SLC9B1: variants seen among roughly 807,000 people sequenced by gnomAD.
SLC9B1 encodes solute carrier family 9 member B1, also known as sodium/hydrogen exchanger 9B1.
SLC9B1 carries 32 observed loss-of-function variants against 51.7 expected under a neutral mutation model. That is an observed-to-expected ratio of 0.62 (90% CI 0.47 to 0.83). The LOEUF (loss-of-function observed/expected upper bound fraction) is 0.83, where lower values mean the gene tolerates loss of function less well. SLC9B1 is among the 40% of genes least tolerant of loss of function. The pLI is 0.00. For synonymous variants in SLC9B1, 145 were observed against 212.7 expected, an observed-to-expected ratio of 0.68 and a Z score of 2.77; for missense variants, 406 against 613.2, an observed-to-expected ratio of 0.66 and a Z score of 3.57.
intron 1 of SLC9B1, among the ~76,000 whole-genome samples, chr4:102,996,763 T>A (rs533985227): frequency 6.6e-6 from 1 of 152,200 alleles, no homozygotes; most frequent in African/African-American, 2.4e-5. Context: ...CATTTGTCTA[T>A]CCTTAGGCTA....
rs190718809 is a variant in SLC9B1, at chr4:102,988,867, C to T, written c.211+933G>A. The stretch of plus-strand genomic sequence containing the variant: ...GTTCCTGAGCAAACTGTAGTCCACA[C>T]TCAGTGAATAATTTTGGTAAATAAT... On this transcript the variant is annotated intron_variant, in intron 3 of 11. Coordinates refer to ENST00000296422, the MANE Select transcript of SLC9B1 (RefSeq NM_139173.4). 2.7e-3 allele frequency among the ~76,000 whole-genome samples: 407 copies of T among 152,196 alleles called. 2 individuals are homozygous for T. The highest frequency in any genetic ancestry group is 4.3e-3 in the Non-Finnish European group (293 of 67,936).
intron 11 of SLC9B1, among the ~76,000 whole-genome samples, chr4:102,904,320 G>A (rs1312402308): frequency 1.3e-5 from 2 of 151,826 alleles, no homozygotes; most frequent in Non-Finnish European, 2.9e-5. Context: ...TCAGCCTCCC[G>A]AAGTGCTAGG....
At chr4:102,993,457 G>A (rs1740055282) in intron 1 of SLC9B1, among the ~76,000 whole-genome samples, 1 of 152,194 alleles carries the variant, frequency 6.6e-6, no homozygotes, top group Admixed American at 6.5e-5. Flanking sequence ...GGGCAGCTCC[G>A]CCCCTGTGGC....
In SLC9B1 at chr4:102,946,770, A is replaced by C. The variant is rs774321691; in HGVS notation, c.402T>G (p.Phe134Leu). 1.5e-5 allele frequency: 24 copies of C among 1,598,004 alleles called. No individual in the cohort carries two copies. Among genetic ancestry groups the C allele is most frequent in the Non-Finnish European group, 1.9e-5 (22 of 1,175,764 alleles). The change falls in exon 5 of 12, where the codon TTT becomes TTG. Residue 134 changes from phenylalanine to leucine, a missense_variant. Phe to Leu is a conservative substitution (Grantham distance 22). Around this residue, in one of 6 missense-constraint regions of SLC9B1, gnomAD observed 250 missense variants for 394.1 expected, o/e 0.63. Coordinates refer to ENST00000296422, the MANE Select transcript of SLC9B1 (RefSeq NM_139173.4). ...PPLLGMLLAG[F>L]TIRNVPFINE... ...TGATGAATGGAACATTCCTAATCGT[A>C]AAACCAGCCAGTAACATCCCTTAAA...
chr4:102,924,019 CTACCAATGACTTTCTTCACAGA>C (rs1736024132), intron 7 of SLC9B1, among the ~76,000 whole-genome samples: 2 of 152,198 alleles, frequency 1.3e-5, no homozygotes, highest in South Asian at 4.2e-4. Context: ...CCCCATCAAG[CTACCAATGACTTTCTTCACAGA>C]ATTGGAAAAA....
At chr4:102,962,889 ATGT>A in intron 3 of SLC9B1, 1 of 470,078 alleles carries the variant, frequency 2.1e-6, no homozygotes, top group East Asian at 6.9e-5. Context: ...TTCATAATAG[ATGT>A]TGGTTACAAA....
chr4:102,946,846 G>A, intron 4 of SLC9B1, 57 bp from the exon 5 acceptor site: 1 of 1,468,888 alleles, frequency 6.8e-7, no homozygotes, highest in Non-Finnish European at 9.1e-7. Context: ...AAAGAAAACG[G>A]AAATGTTTAC....
chr4:102,921,637 C>A (rs1160256623), intron 7 of SLC9B1, among the ~76,000 whole-genome samples: 6 of 152,122 alleles, frequency 3.9e-5, no homozygotes, highest in Admixed American at 2.0e-4. Flanking sequence ...AGAGTCAAGA[C>A]CCATCAGTGT....
chr4:102,935,404 A>G (rs1203178266), intron 6 of SLC9B1, among the ~76,000 whole-genome samples: 1 of 152,218 alleles, frequency 6.6e-6, no homozygotes, highest in Non-Finnish European at 1.5e-5. Context: ...ATTAGGGCAA[A>G]TTAAAGTGGC....
At chr4:102,935,205 A>C (rs535765259) in intron 6 of SLC9B1, among the ~76,000 whole-genome samples, 7 of 152,376 alleles carry the variant, frequency 4.6e-5, no homozygotes, top group Middle Eastern at 3.4e-3. Flanking sequence ...GTTACAGATA[A>C]GGAAAAGTTG....
At chr4:102,904,204 C>T (rs766008098) in intron 11 of SLC9B1, among the ~76,000 whole-genome samples, 1 of 151,522 alleles carries the variant, frequency 6.6e-6, no homozygotes, top group Non-Finnish European at 1.5e-5. Flanking sequence ...ACTACAAGTG[C>T]GTGCCAACAC....
intron 3 of SLC9B1, among the ~76,000 whole-genome samples, chr4:102,975,718 G>A (rs1031361196): frequency 1.3e-5 from 2 of 149,788 alleles, no homozygotes; most frequent in Non-Finnish European, 3.0e-5. Flanking sequence ...ACAGGTGCAT[G>A]CCATGATGTC....
intron 9 of SLC9B1, among the ~76,000 whole-genome samples, chr4:102,910,179 TGA>T (rs1276632637): frequency 7.4e-4 from 113 of 152,190 alleles, no homozygotes; most frequent in Middle Eastern, 3.4e-3. Flanking sequence ...ATAATTAGAT[TGA>T]TAAAGGTAAT....
At chr4:102,934,832 GATAC>G (rs1309972133) in intron 6 of SLC9B1, among the ~76,000 whole-genome samples, 12 of 151,234 alleles carry the variant, frequency 7.9e-5, no homozygotes, top group South Asian at 2.1e-4. Flanking sequence ...CCTTTTGAAT[GATAC>G]ATACAAAGGC....
At chr4:102,986,279 C>T (rs1396334672) in intron 3 of SLC9B1, among the ~76,000 whole-genome samples, 4 of 148,680 alleles carry the variant, frequency 2.7e-5, no homozygotes, top group African/African-American at 9.9e-5. Context: ...TCTCTCTCAA[C>T]ATTTTAAATA....
chr4:102,978,292 A>T (rs1578396918), intron 3 of SLC9B1, among the ~76,000 whole-genome samples: 1 of 152,322 alleles, frequency 6.6e-6, no homozygotes, highest in Non-Finnish European at 1.5e-5. Flanking sequence ...TCTTTATAGC[A>T]GCATGATTTA....
chr4:102,903,454 A>G (rs1209695096), intron 11 of SLC9B1, among the ~76,000 whole-genome samples: 1 of 152,248 alleles, frequency 6.6e-6, no homozygotes, highest in Admixed American at 6.5e-5. Context: ...AGAAACAGAT[A>G]CAGTCATAGA....
At chr4:103,017,950 GTTTAC>G (rs1419579482) in intron 1 of SLC9B1, among the ~76,000 whole-genome samples, 1 of 152,170 alleles carries the variant, frequency 6.6e-6, no homozygotes, top group Non-Finnish European at 1.5e-5. Flanking sequence ...ACACTGGTGA[GTTTAC>G]TACTGCTAGA....
intron 9 of SLC9B1, among the ~76,000 whole-genome samples, chr4:102,908,026 G>C (rs1735139209): frequency 6.6e-6 from 1 of 151,950 alleles, no homozygotes; most frequent in Non-Finnish European, 1.5e-5. Context: ...TTTTTGGTTG[G>C]GGAACTTCTC....
Sources: gnomAD v4.1 joint callset for allele counts (sites outside exome capture counted in the v4.1 genomes callset) on GRCh38, gnomAD v4.1.1 for gene constraint, gnomAD v4.1.1 regional missense constraint, MANE v1.5 for transcripts, NCBI Gene and HGNC (gene_info 2026-07-23, HGNC 2026-07-21) for gene names.